The following GPR39 variants were observed in gnomAD, a reference collection of about 807,000 sequenced individuals.
GPR39 encodes the protein G protein-coupled receptor 39.
A neutral mutation model predicts 18.4 loss-of-function variants in GPR39; 23 were observed. The observed-to-expected ratio is 1.25, with a 90% CI of 0.90 to 1.77. The LOEUF (loss-of-function observed/expected upper bound fraction) is 1.77. Among genes scored for constraint, GPR39 ranks in the 40% most tolerant of loss-of-function variants. The pLI is 0.00. For synonymous variants in GPR39, 280 were observed against 257.9 expected (o/e 1.09, Z -0.82); for missense variants, 647 against 602.4 (o/e 1.07, Z -0.78).
intron 1 of GPR39, among the ~76,000 whole-genome samples, chr2:132,455,333 T>C (rs919730509): frequency 9.9e-5 from 15 of 152,210 alleles, no homozygotes; most frequent in Non-Finnish European, 1.8e-4. Context: ...TGATAGCCCC[T>C]TTATGATTTT....
intron 1 of GPR39, among the ~76,000 whole-genome samples, chr2:132,536,009 CA>C (rs56929155): frequency 0.31 from 42,789 of 140,070 alleles, 6,641 homozygotes; most frequent in Non-Finnish European, 0.35. Flanking sequence ...TTAATTTTTT[CA>C]AAAAAAAAAA....
chr2:132,426,487 C>T (rs1196830059), intron 1 of GPR39, among the ~76,000 whole-genome samples: 1 of 152,208 alleles, frequency 6.6e-6, no homozygotes, highest in Non-Finnish European at 1.5e-5. Flanking sequence ...GCCTAGGCAG[C>T]TCTGCTGCTT....
intron 1 of GPR39, among the ~76,000 whole-genome samples, chr2:132,520,848 G>A (rs1300307082): frequency 6.6e-6 from 1 of 152,228 alleles, no homozygotes; most frequent in Non-Finnish European, 1.5e-5. Flanking sequence ...TCAACTGCAC[G>A]TTTCTGTATT....
At chr2:132,643,102 CAG>C (rs1681889413) in intron 1 of GPR39, among the ~76,000 whole-genome samples, 1 of 152,104 alleles carries the variant, frequency 6.6e-6, no homozygotes, top group African/African-American at 2.4e-5. Context: ...TTTTTAAAAT[CAG>C]AAATTTTTGT....
chr2:132,548,173 A>G (rs1317683918), intron 1 of GPR39, among the ~76,000 whole-genome samples: 1 of 152,132 alleles, frequency 6.6e-6, no homozygotes, highest in African/African-American at 2.4e-5. Context: ...AGTCTGGCAA[A>G]TATTTCAATC....
chr2:132,437,165 C>A (rs1680338947), intron 1 of GPR39, among the ~76,000 whole-genome samples: 1 of 152,222 alleles, frequency 6.6e-6, no homozygotes, highest in Non-Finnish European at 1.5e-5. Context: ...AATACACACA[C>A]ATGCACAAGT....
At chr2:132,549,499 C>T in intron 1 of GPR39, among the ~76,000 whole-genome samples, 1 of 152,124 alleles carries the variant, frequency 6.6e-6, no homozygotes. Context: ...TAATTAAGAG[C>T]TTCAGGAGGT....
At chr2:132,497,951 C>T (rs1681678739) in intron 1 of GPR39, among the ~76,000 whole-genome samples, 1 of 152,148 alleles carries the variant, frequency 6.6e-6, no homozygotes, top group Admixed American at 6.5e-5. Context: ...GATTCTGGGT[C>T]CCTGTAAAAG....
At chr2:132,638,129 CAG>C (rs1449899760) in intron 1 of GPR39, among the ~76,000 whole-genome samples, 6 of 151,920 alleles carry the variant, frequency 3.9e-5, no homozygotes, top group Admixed American at 3.3e-4. Flanking sequence ...GAAAAAGAGA[CAG>C]AGGGAGAAAG....
At chr2:132,609,759 C>T (rs979246083) in intron 1 of GPR39, among the ~76,000 whole-genome samples, 13 of 152,178 alleles carry the variant, frequency 8.5e-5, no homozygotes, top group Admixed American at 3.9e-4. Flanking sequence ...CTGACATGTT[C>T]AAAACAAATC....
At chr2:132,482,161 G>T (rs1681246941) in intron 1 of GPR39, among the ~76,000 whole-genome samples, 1 of 152,162 alleles carries the variant, frequency 6.6e-6, no homozygotes, top group African/African-American at 2.4e-5. Context: ...TTGTAGACAA[G>T]CAATTAACTG....
chr2:132,464,160 TGAA>T (rs941723760), intron 1 of GPR39, among the ~76,000 whole-genome samples: 15 of 152,290 alleles, frequency 9.8e-5, no homozygotes, highest in Admixed American at 3.9e-4. Context: ...GAAAGGGAGC[TGAA>T]GAAGAAGTAT....
chr2:132,547,758 G>C (rs887920310), intron 1 of GPR39, among the ~76,000 whole-genome samples: 1 of 152,136 alleles, frequency 6.6e-6, no homozygotes, highest in African/African-American at 2.4e-5. Flanking sequence ...TTAAAGTGGA[G>C]GAAAAGAGGC....
intron 1 of GPR39, among the ~76,000 whole-genome samples, chr2:132,420,276 C>G (rs943248245): frequency 6.6e-6 from 1 of 152,176 alleles, no homozygotes; most frequent in Non-Finnish European, 1.5e-5. Context: ...AAGCAGTTCT[C>G]GCAAATGTCC....
intron 1 of GPR39, among the ~76,000 whole-genome samples, chr2:132,547,048 C>A (rs1043406374): frequency 6.6e-6 from 1 of 151,806 alleles, no homozygotes; most frequent in African/African-American, 2.4e-5. Context: ...TCCTATTTTC[C>A]GTTGCCTCCA....
At chr2:132,538,781 A>C (rs1322366082) in intron 1 of GPR39, among the ~76,000 whole-genome samples, 1 of 152,186 alleles carries the variant, frequency 6.6e-6, no homozygotes, top group Non-Finnish European at 1.5e-5. Context: ...AAGAATCTAG[A>C]GAAACATTCT....
intron 1 of GPR39, among the ~76,000 whole-genome samples, chr2:132,493,098 CAT>C (rs1681536099): frequency 8.1e-6 from 1 of 123,232 alleles, no homozygotes; most frequent in African/African-American, 3.1e-5. Flanking sequence ...ATATATACAC[CAT>C]ATATATACCA....
At chr2:132,515,005 G>A (rs1679306377) in intron 1 of GPR39, among the ~76,000 whole-genome samples, 1 of 152,154 alleles carries the variant, frequency 6.6e-6, no homozygotes, top group African/African-American at 2.4e-5. Flanking sequence ...AAAAAACACA[G>A]TAATATATTT....
intron 1 of GPR39, among the ~76,000 whole-genome samples, chr2:132,449,279 G>A (rs1340029096): frequency 2.0e-5 from 3 of 151,494 alleles, no homozygotes; most frequent in Non-Finnish European, 4.4e-5. Flanking sequence ...ACAGAGTCTC[G>A]CTCTGTCACG....
Sources: gnomAD v4.1 joint callset for allele counts (sites outside exome capture counted in the v4.1 genomes callset) on GRCh38, gnomAD v4.1.1 for gene constraint, MANE v1.5 for transcripts, NCBI Gene and HGNC (gene_info 2026-07-23, HGNC 2026-07-21) for gene names.